Variants in CTNNA1 observed in about 807,000 individuals in gnomAD.
The protein encoded by CTNNA1 is catenin alpha 1.
In CTNNA1, 37 loss-of-function variants were observed where a neutral mutation model predicts 98.4. The observed-to-expected ratio is 0.38, with a 90% CI of 0.29 to 0.49. The LOEUF (loss-of-function observed/expected upper bound fraction) is 0.49, where lower values mean the gene tolerates loss of function less well. CTNNA1 is among the 20% of genes least tolerant of loss of function. The probability of loss-of-function intolerance (pLI) is 0.95; values close to 1 mark genes in which losing one functional copy is unlikely to be tolerated. For missense variants in CTNNA1, 761 were observed against 1,147.2 expected, an observed-to-expected ratio of 0.66 and a Z score of 4.86; for synonymous variants, 404 against 413.2, an observed-to-expected ratio of 0.98 and a Z score of 0.27.
At chr5:138,920,909 G>T (rs1762791285) in intron 11 of CTNNA1, among the ~76,000 whole-genome samples, 1 of 152,108 alleles carries the variant, frequency 6.6e-6, no homozygotes, top group African/African-American at 2.4e-5. Context: ...GTATAACCTG[G>T]TGCAGCCACC....
chr5:138,929,388 T>G, intron 14 of CTNNA1, 32 bp downstream of exon 14: 1 of 1,095,742 alleles, frequency 9.1e-7, no homozygotes, highest in East Asian at 2.4e-5. Context: ...CAGTTCAGCT[T>G]GTGCTGCCGA....
chr5:138,913,578 T>C (rs1206858181), intron 10 of CTNNA1, among the ~76,000 whole-genome samples: 1 of 134,518 alleles, frequency 7.4e-6, no homozygotes, highest in Non-Finnish European at 1.6e-5. Flanking sequence ...AGGGAGACCC[T>C]GTCTCAAAAA....
Position 138,843,424 on chromosome 5 carries a change from C to T in CTNNA1, c.1062+15706C>T, listed in dbSNP as rs1002202338. ...CAGTCCTTGCCATATGTACACCCTT[C>T]GGAGGGCATTTGCATGCTTTGCAAC... On this transcript the variant is annotated intron_variant, in intron 7 of 17. Coordinates refer to ENST00000302763, the MANE Select transcript of CTNNA1 (RefSeq NM_001903.5). 8.5e-5 allele frequency among the ~76,000 whole-genome samples: 13 copies of T among 152,074 alleles called. 1 individual carries two copies. Among genetic ancestry groups the T allele is most frequent in the Admixed American group, 4.6e-4 (7 of 15,278 alleles).
rs562241286 is a variant in CTNNA1, at chr5:138,889,952, C to T, written c.1296+2310C>T. 2.0e-5 allele frequency among the ~76,000 whole-genome samples: 3 copies of T among 152,256 alleles called. No individual in the cohort carries two copies. In the East Asian group the frequency reaches 5.8e-4, roughly 29 times the overall value. ...TTCTTCAGTGACAAGGCTTCTCCTC[C>T]CCTACCACTTTTGTATTATAATGAA... On this transcript the variant is annotated intron_variant, in intron 9 of 17. Transcript: ENST00000302763.
At chr5:138,757,630 G>A (rs1751818091) in intron 1 of CTNNA1, among the ~76,000 whole-genome samples, 1 of 152,072 alleles carries the variant, frequency 6.6e-6, no homozygotes. Flanking sequence ...GCACTGGGTG[G>A]TGCATTACAT....
intron 7 of CTNNA1, among the ~76,000 whole-genome samples, chr5:138,833,180 T>C (rs1761447671): frequency 6.6e-6 from 1 of 152,192 alleles, no homozygotes; most frequent in South Asian, 2.1e-4. Flanking sequence ...TAAAGGACCC[T>C]CAGTCTTTGA....
chr5:138,823,935 C>G (rs1215395842), intron 5 of CTNNA1, among the ~76,000 whole-genome samples: 1 of 108,688 alleles, frequency 9.2e-6, no homozygotes, highest in Non-Finnish European at 1.7e-5. Context: ...CCAGCCTGGG[C>G]GACAGAGCGA....
At chr5:138,767,735 C>G (rs1561502605) in intron 1 of CTNNA1, among the ~76,000 whole-genome samples, 1 of 152,146 alleles carries the variant, frequency 6.6e-6, no homozygotes, top group Admixed American at 6.5e-5. Context: ...TCGATAGAAA[C>G]TATTTCAGAG....
chr5:138,904,514 TGTTAA>T, intron 10 of CTNNA1, 73 bp downstream of exon 10: 1 of 1,550,466 alleles, frequency 6.4e-7, no homozygotes, highest in Non-Finnish European at 8.7e-7. Flanking sequence ...AGGTTTATTT[TGTTAA>T]GTTTTGTTTT....
intron 9 of CTNNA1, among the ~76,000 whole-genome samples, chr5:138,893,031 A>G (rs1198130076): frequency 6.6e-6 from 1 of 152,172 alleles, no homozygotes; most frequent in South Asian, 2.1e-4. Context: ...AAATAAATAA[A>G]TAAATAAAAA....
At chr5:138,869,569 TA>T (rs1259815108) in intron 7 of CTNNA1, 1 of 152,268 alleles carries the variant, frequency 6.6e-6, no homozygotes, top group African/African-American at 2.4e-5. Context: ...AGGACATTTA[TA>T]GCTTTTTCCC....
intron 7 of CTNNA1, among the ~76,000 whole-genome samples, chr5:138,839,649 T>TG (rs1447639681): frequency 6.6e-6 from 1 of 152,196 alleles, no homozygotes; most frequent in Non-Finnish European, 1.5e-5. Context: ...GTCTCCAACT[T>TG]TAATTGTAGA....
At chr5:138,834,438 C>T (rs540566041) in intron 7 of CTNNA1, among the ~76,000 whole-genome samples, 4 of 152,144 alleles carry the variant, frequency 2.6e-5, no homozygotes, top group Admixed American at 1.3e-4. Flanking sequence ...CACTGCTTAC[C>T]ATATGCCAGC....
intron 1 of CTNNA1, among the ~76,000 whole-genome samples, chr5:138,767,709 A>C (rs547313386): frequency 1.3e-5 from 2 of 152,302 alleles, no homozygotes; most frequent in South Asian, 4.2e-4. Context: ...AACATTTTTC[A>C]AATTTTCTCA....
chr5:138,875,508 C>G (rs1318592273), intron 7 of CTNNA1: 8 of 985,334 alleles, frequency 8.1e-6, no homozygotes, highest in East Asian at 1.1e-4. Context: ...GAAAGAAGAA[C>G]TCCTGACTTA....
intron 7 of CTNNA1, among the ~76,000 whole-genome samples, chr5:138,882,184 T>A (rs1753054903): frequency 4.6e-5 from 7 of 152,358 alleles, no homozygotes; most frequent in African/African-American, 1.4e-4. Flanking sequence ...GGTAGCATTC[T>A]GTGGGGACAC....
At chr5:138,922,050 G>A (rs1426150789) in intron 11 of CTNNA1, among the ~76,000 whole-genome samples, 1 of 151,968 alleles carries the variant, frequency 6.6e-6, no homozygotes, top group Admixed American at 6.6e-5. Context: ...CCCTGCATAC[G>A]CTGCATGCCA....
At chr5:138,867,752 T>C (rs1207866309) in intron 7 of CTNNA1, among the ~76,000 whole-genome samples, 3 of 151,348 alleles carry the variant, frequency 2.0e-5, no homozygotes, top group Admixed American at 6.6e-5. Flanking sequence ...TCTTTCTTTT[T>C]TTTTTTTTCT....
chr5:138,828,564 G>T (rs1760955811), intron 7 of CTNNA1, among the ~76,000 whole-genome samples: 1 of 152,080 alleles, frequency 6.6e-6, no homozygotes, highest in African/African-American at 2.4e-5. Flanking sequence ...AAAATTATAT[G>T]AAATCATTTT....
Sources: allele counts gnomAD v4.1 joint callset (sites outside exome capture counted in the v4.1 genomes callset), GRCh38; gene constraint gnomAD v4.1.1; transcripts MANE v1.5; gene names NCBI Gene and HGNC (gene_info 2026-07-23, HGNC 2026-07-21).